Variants in ADAMTS12 observed in about 807,000 individuals in gnomAD.
The protein encoded by ADAMTS12 is A disintegrin and metalloproteinase with thrombospondin motifs 12.
ADAMTS12 carries 118 observed loss-of-function variants against 167.8 expected under a neutral mutation model. The ratio of observed to expected loss-of-function variants is 0.70; its 90% CI spans 0.61 to 0.82. The LOEUF (loss-of-function observed/expected upper bound fraction) is 0.82, where lower values mean the gene tolerates loss of function less well. ADAMTS12 is among the 40% of genes least tolerant of loss of function. ADAMTS12 has a pLI of 0.00. For synonymous variants in ADAMTS12, 704 were observed against 716.9 expected (o/e 0.98, Z 0.29); for missense variants, 1,916 against 1,998.8 (o/e 0.96, Z 0.79).
At chr5:33,676,392 A>G (rs935499585) in intron 5 of ADAMTS12, among the ~76,000 whole-genome samples, 1 of 152,158 alleles carries the variant, frequency 6.6e-6, no homozygotes, top group African/African-American at 2.4e-5. Context: ...AGCAGAGAAG[A>G]GACAAGCTGT....
chr5:33,546,431 C>T (rs1403348319), intron 21 of ADAMTS12, among the ~76,000 whole-genome samples: 2 of 150,896 alleles, frequency 1.3e-5, no homozygotes, highest in East Asian at 1.9e-4. Context: ...ATTGATGAAG[C>T]AAATCCTGAA....
At chr5:33,712,686 A>C (rs1407201538) in intron 3 of ADAMTS12, among the ~76,000 whole-genome samples, 1 of 152,176 alleles carries the variant, frequency 6.6e-6, no homozygotes, top group African/African-American at 2.4e-5. Context: ...GTGATGATCT[A>C]CATAACAAAC....
At position 33,531,906 on chromosome 5, in the gene ADAMTS12, C is replaced by T. The variant is rs113943581; in HGVS notation, c.4606+2927G>A. On this transcript the variant is annotated intron_variant, in intron 23 of 23. Transcript: ENST00000504830. The stretch of plus-strand genomic sequence containing the variant: ...GATGAGAGTGGCCTATATTGGCAGT[C>T]TGTGTTCCAGAACTATATTTAGCAA... 3.3e-3 allele frequency among the ~76,000 whole-genome samples: 496 copies of T among 152,302 alleles called. 4 individuals are homozygous for T. Among genetic ancestry groups the T allele is most frequent in the African/African-American group, 0.011 (472 of 41,558 alleles).
chr5:33,627,020 A>T (rs1270600715), intron 13 of ADAMTS12, among the ~76,000 whole-genome samples: 1 of 127,660 alleles, frequency 7.8e-6, no homozygotes, highest in Non-Finnish European at 1.7e-5. Context: ...GCAGTAGGGT[A>T]GTGGTGATTT....
At position 33,647,608 on chromosome 5, in the gene ADAMTS12, G is replaced by A. The variant is rs191785139; in HGVS notation, c.1479+1214C>T. On this transcript the variant is annotated intron_variant, in intron 9 of 23. Coordinates refer to ENST00000504830, the MANE Select transcript of ADAMTS12 (RefSeq NM_030955.4). Reference sequence around the variant, plus strand: ...TAGCTGGCCCTGTTGGCGCATACCCGTAATCCCAGCTACTTGGGAGGCTGA... The same window carrying A: ...TAGCTGGCCCTGTTGGCGCATACCCATAATCCCAGCTACTTGGGAGGCTGA... 7.9e-5 allele frequency among the ~76,000 whole-genome samples: 12 copies of A among 152,268 alleles called. No individual in the cohort carries two copies. In the East Asian group the frequency reaches 1.7e-3, roughly 22 times the overall value.
At chr5:33,874,628 A>G (rs1454767657) in intron 2 of ADAMTS12, among the ~76,000 whole-genome samples, 1 of 152,250 alleles carries the variant, frequency 6.6e-6, no homozygotes, top group Non-Finnish European at 1.5e-5. Context: ...AAACCTGCCC[A>G]AGGTTGTTTA....
intron 1 of ADAMTS12, among the ~76,000 whole-genome samples, chr5:33,883,700 T>C (rs1750537667): frequency 6.6e-6 from 1 of 152,208 alleles, no homozygotes; most frequent in African/African-American, 2.4e-5. Flanking sequence ...AAAATGGTTT[T>C]CCATGGGGAA....
Position 33,788,508 on chromosome 5 carries a change from C to T in ADAMTS12, c.490-36960G>A, listed in dbSNP as rs80179411. On this transcript the variant is annotated intron_variant, in intron 2 of 23. Transcript: ENST00000504830. ...CTAAAATATGCCAGGTTCAGGTGCA[C>T]ACAAAAAGCAAATGTTGTCTTTCTC... 1.1e-4 allele frequency among the ~76,000 whole-genome samples: 16 copies of T among 152,110 alleles called. No individual in the cohort carries two copies. The East Asian group carries it at 2.7e-3, about 26-fold the overall frequency.
intron 2 of ADAMTS12, among the ~76,000 whole-genome samples, chr5:33,773,241 T>C (rs1745809397): frequency 6.6e-6 from 1 of 152,210 alleles, no homozygotes; most frequent in Non-Finnish European, 1.5e-5. Flanking sequence ...CTCCTCAATA[T>C]CAGTCTACTT....
intron 12 of ADAMTS12, among the ~76,000 whole-genome samples, chr5:33,632,593 T>G (rs2112150299): frequency 6.6e-6 from 1 of 152,216 alleles, no homozygotes; most frequent in Middle Eastern, 3.4e-3. Context: ...GACTTGGGAT[T>G]ATTGTGTAGC....
In ADAMTS12 at chr5:33,733,525, C is replaced by T. The variant is rs111813742; in HGVS notation, c.634+17879G>A. ...AGTTTCTAGTAGCTTGCCTGGAATA[C>T]GTGGTCTTCAAATACTGATAACTAG... is the stretch of plus-strand genomic sequence containing the variant. On this transcript the variant is annotated intron_variant, in intron 3 of 23. Transcript: ENST00000504830. Among the ~76,000 whole-genome samples the T allele has an allele frequency of 4.7e-3, 710 of 152,232 alleles. 5 individuals are homozygous for T. Among genetic ancestry groups the T allele is most frequent in the African/African-American group, 0.016 (678 of 41,520 alleles).
At chr5:33,672,277 CACAT>C (rs1741737707) in intron 5 of ADAMTS12, among the ~76,000 whole-genome samples, 1 of 149,600 alleles carries the variant, frequency 6.7e-6, no homozygotes, top group Non-Finnish European at 1.5e-5. Context: ...CCCACACCCC[CACAT>C]ACATACACAC....
At chr5:33,573,879 T>C (rs1212431414) in intron 19 of ADAMTS12, among the ~76,000 whole-genome samples, 2 of 151,970 alleles carry the variant, frequency 1.3e-5, no homozygotes, top group African/African-American at 4.8e-5. Context: ...GAATCTACAA[T>C]GAACTCAAAC....
At chr5:33,844,643 C>T (rs888973785) in intron 2 of ADAMTS12, among the ~76,000 whole-genome samples, 1 of 152,166 alleles carries the variant, frequency 6.6e-6, no homozygotes, top group Non-Finnish European at 1.5e-5. Flanking sequence ...TTTAATTTTG[C>T]CCCGGTCCTG....
rs191393890 is a variant in ADAMTS12, at chr5:33,703,194, C to T, written c.635-19139G>A. On this transcript the variant is annotated intron_variant, in intron 3 of 23. Transcript: ENST00000504830. ...TATAGTCTTTCTAATACAATACCAG[C>T]TGACTACCCCTGGAGGGTGAATTTT... Among the ~76,000 whole-genome samples, 787 of 152,264 alleles carry T rather than the reference C, an allele frequency of 5.2e-3. 4 individuals carry two copies. The highest frequency in any genetic ancestry group is 0.018 in the African/African-American group (753 of 41,546).
intron 2 of ADAMTS12, among the ~76,000 whole-genome samples, chr5:33,863,357 A>T (rs1749693707): frequency 6.6e-6 from 1 of 152,240 alleles, no homozygotes; most frequent in Non-Finnish European, 1.5e-5. Context: ...TCAGGTTACA[A>T]GATCAATGTG....
rs899152095 is a variant in ADAMTS12, at chr5:33,561,071, G to A, written c.4081C>T (p.His1361Tyr). The change falls in exon 20 of 24, where the codon CAC (histidine) becomes TAC (tyrosine). Residue 1361 changes from histidine (H) to tyrosine (Y), a missense_variant. Physicochemically the swap from His to Tyr is moderately conservative, Grantham distance 83. Transcript: ENST00000504830. ...IQRPDPAKRCHLRPCAGWKVG... is the reference protein window; with the variant it reads ...IQRPDPAKRCYLRPCAGWKVG... Reference sequence around the variant, plus strand: ...TTCCAGCCAGCACAGGGACGGAGGTGGCATCTTTTTGCAGGGTCAGGTCTC... The same window carrying A: ...TTCCAGCCAGCACAGGGACGGAGGTAGCATCTTTTTGCAGGGTCAGGTCTC... The A allele has an allele frequency of 1.9e-6, 3 of 1,614,060 alleles. No individual in the cohort carries two copies. Among genetic ancestry groups the A allele is most frequent in the African/African-American group, 1.3e-5 (1 of 74,924 alleles).
intron 2 of ADAMTS12, among the ~76,000 whole-genome samples, chr5:33,854,169 CT>C (rs1304273851): frequency 6.6e-6 from 1 of 152,158 alleles, no homozygotes; most frequent in African/African-American, 2.4e-5. Context: ...AAAACCAGGC[CT>C]CTTGTTTTCC....
At chr5:33,700,604 A>G (rs976862097) in intron 3 of ADAMTS12, among the ~76,000 whole-genome samples, 6 of 152,334 alleles carry the variant, frequency 3.9e-5, no homozygotes, top group South Asian at 2.1e-4. Context: ...GGAGCTGTTC[A>G]GTATCTTGAC....
Sources: gnomAD v4.1 joint callset for allele counts (sites outside exome capture counted in the v4.1 genomes callset) on GRCh38, gnomAD v4.1.1 for gene constraint, MANE v1.5 for transcripts, NCBI Gene and HGNC (gene_info 2026-07-23, HGNC 2026-07-21) for gene names.